SEM1: variants seen among roughly 807,000 people sequenced by gnomAD.
SEM1 encodes the protein SEM1 26S proteasome subunit.
In SEM1, 3 loss-of-function variants were observed where a neutral mutation model predicts 12.7. The observed-to-expected ratio is 0.24, with a 90% confidence interval of 0.11 to 0.61. SEM1 has a LOEUF of 0.61. Ranked by LOEUF, SEM1 falls within the 20% of genes least tolerant of loss-of-function variation. SEM1 has a pLI of 0.88. For synonymous variants in SEM1, 30 were observed against 27.8 expected, an observed-to-expected ratio of 1.08 and a Z score of -0.25; for missense variants, 59 against 81.3, an observed-to-expected ratio of 0.73 and a Z score of 1.06.
chr7:96,697,445 T>TA (rs1790131803), intron 1 of SEM1: 2 of 152,108 alleles, frequency 1.3e-5, no homozygotes, highest in Admixed American at 1.3e-4. Context: ...TTTTAATACT[T>TA]ACTTTCCCCT....
intron 1 of SEM1, among the ~76,000 whole-genome samples, chr7:96,700,831 C>A (rs1790247857): frequency 6.6e-6 from 1 of 152,134 alleles, no homozygotes; most frequent in Non-Finnish European, 1.5e-5. Flanking sequence ...TTCCCAAGCA[C>A]CAGCATCTTG....
chr7:96,501,480 A>T (rs1195241983), intron 3 of SEM1, among the ~76,000 whole-genome samples: 1 of 152,090 alleles, frequency 6.6e-6, no homozygotes, highest in Non-Finnish European at 1.5e-5. Context: ...TTAATCATTA[A>T]CTTGAGGCTA....
At position 96,486,475 on chromosome 7, in the gene SEM1, G is replaced by A. The variant is rs116720243; in HGVS notation, c.13-58C>T. On this transcript the variant is annotated intron_variant, in intron 1 of 3. Coordinates refer to the SEM1 transcript ENST00000356686. ...CTTTCAGGCTGGCAGGAGGTGAGGA[G>A]GCGGGCACCTGTTCCACCTGGCCCT... 1.5e-3 allele frequency: 2,039 copies of A among 1,377,020 alleles called. 26 individuals are homozygous for A. In the African/African-American group the frequency reaches 0.026, roughly 17 times the overall value. The allele number at this position is 1,377,020 out of a possible 1,614,324, so 85.3% of individuals were successfully genotyped here. A position where few individuals can be genotyped will look rare whatever the true frequency, so the allele number is the denominator to read the frequency against.
chr7:96,595,088 T>C (rs1362994527), intron 2 of SEM1, among the ~76,000 whole-genome samples: 1 of 152,196 alleles, frequency 6.6e-6, no homozygotes, highest in African/African-American at 2.4e-5. Context: ...TTTAACAGAA[T>C]TCTAAAAATT....
intron 2 of SEM1, among the ~76,000 whole-genome samples, chr7:96,520,640 G>A (rs1804239029): frequency 6.6e-6 from 1 of 152,112 alleles, no homozygotes; most frequent in Non-Finnish European, 1.5e-5. Flanking sequence ...AGAAGTTTCG[G>A]AAGAAAATCT....
chr7:96,696,138 C>A (rs1325428420), intron 1 of SEM1: 1 of 151,660 alleles, frequency 6.6e-6, no homozygotes, highest in African/African-American at 2.4e-5. Context: ...TGATCATTTA[C>A]AACAAAGATA....
downstream of SEM1, among the ~76,000 whole-genome samples, chr7:96,618,639 C>T (rs568856132): frequency 2.0e-5 from 3 of 152,140 alleles, no homozygotes; most frequent in South Asian, 6.2e-4. Flanking sequence ...TCTTCAGCTT[C>T]TGACATTCTT....
intron 2 of SEM1, among the ~76,000 whole-genome samples, chr7:96,648,022 A>G (rs978129820): frequency 2.6e-5 from 4 of 152,180 alleles, no homozygotes; most frequent in African/African-American, 9.7e-5. Flanking sequence ...TGCTGAAAGG[A>G]TCTTAAGTGT....
At chr7:96,673,753 T>C (rs766430196) in exon 3 of SEM1, 2 of 765,314 alleles carry the variant, frequency 2.6e-6, no homozygotes, top group Non-Finnish European at 4.8e-6. Flanking sequence ...TACAGGTTGA[T>C]GATCTGTTAA....
At chr7:96,538,579 G>A (rs1804858295) in intron 2 of SEM1, among the ~76,000 whole-genome samples, 1 of 151,788 alleles carries the variant, frequency 6.6e-6, no homozygotes, top group Non-Finnish European at 1.5e-5. Context: ...GAGCATCTAT[G>A]TCTTGCAGCT....
At chr7:96,588,595 CAGTG>C (rs767255173) in intron 2 of SEM1, among the ~76,000 whole-genome samples, 111 of 151,910 alleles carry the variant, frequency 7.3e-4, no homozygotes, top group Non-Finnish European at 1.3e-3. Flanking sequence ...GAAAAAAAGA[CAGTG>C]AGGATTATTA....
chr7:96,614,814 C>T (rs192572949), intron 2 of SEM1, among the ~76,000 whole-genome samples: 159 of 152,314 alleles, frequency 1.0e-3, no homozygotes, highest in African/African-American at 3.7e-3. Flanking sequence ...TTGCCTTTTG[C>T]ACAAATATAT....
chr7:96,699,108 G>A (rs1032446291), intron 1 of SEM1, among the ~76,000 whole-genome samples: 1 of 151,880 alleles, frequency 6.6e-6, no homozygotes, highest in African/African-American at 2.4e-5. Flanking sequence ...CTGAGTCAAG[G>A]GTATCCAATC....
At chr7:96,552,350 C>G (rs895323071) in intron 2 of SEM1, among the ~76,000 whole-genome samples, 3 of 152,124 alleles carry the variant, frequency 2.0e-5, no homozygotes, top group African/African-American at 7.2e-5. Flanking sequence ...CTCCCACCAC[C>G]CCACAACAGT....
At chr7:96,601,855 G>T (rs893443453) in intron 2 of SEM1, among the ~76,000 whole-genome samples, 5 of 152,106 alleles carry the variant, frequency 3.3e-5, no homozygotes, top group African/African-American at 7.2e-5. Flanking sequence ...GGATAGGGAG[G>T]TACCAGTGAA....
chr7:96,489,604 A>G, intron 1 of SEM1, among the ~76,000 whole-genome samples: 1 of 152,186 alleles, frequency 6.6e-6, no homozygotes, highest in East Asian at 1.9e-4. Flanking sequence ...GTAACAAATT[A>G]CCTCAAACTG....
intron 2 of SEM1, among the ~76,000 whole-genome samples, chr7:96,667,697 A>G (rs1443988687): frequency 6.6e-6 from 1 of 152,232 alleles, no homozygotes; most frequent in Non-Finnish European, 1.5e-5. Context: ...CATTAAACCA[A>G]AAAGCCTGGA....
intron 1 of SEM1, 181 bp from the exon 2 acceptor site, chr7:96,695,072 T>G: frequency 2.4e-6 from 1 of 408,904 alleles, no homozygotes. Flanking sequence ...ATTCTTGAGT[T>G]TGCAGATAAC....
chr7:96,488,369 CA>C (rs1289007126), intron 1 of SEM1, among the ~76,000 whole-genome samples: 1 of 152,018 alleles, frequency 6.6e-6, no homozygotes, highest in Non-Finnish European at 1.5e-5. Context: ...TTATTTCTAT[CA>C]AGGTAGTTTC....
Sources: gnomAD v4.1 joint callset for allele counts (sites outside exome capture counted in the v4.1 genomes callset) on GRCh38, gnomAD v4.1.1 for gene constraint, MANE v1.5 for transcripts, NCBI Gene and HGNC (gene_info 2026-07-23, HGNC 2026-07-21) for gene names.